The following ZSCAN20 variants were observed in gnomAD, a reference collection of about 807,000 sequenced individuals.
ZSCAN20 encodes the protein zinc finger and SCAN domain-containing protein 20.
A neutral mutation model predicts 97.1 loss-of-function variants in ZSCAN20; 39 were observed. The observed-to-expected ratio is 0.40, with a 90% confidence interval of 0.31 to 0.52. The LOEUF is 0.52. Ranked by LOEUF, ZSCAN20 falls within the 20% of genes least tolerant of loss-of-function variation. The pLI, the probability that ZSCAN20 is intolerant of heterozygous loss-of-function variation, is 0.49. For synonymous variants in ZSCAN20, 456 were observed against 467.3 expected (o/e 0.98, Z 0.31); for missense variants, 1,115 against 1,290.4 (o/e 0.86, Z 2.08).
chr1:33,476,297 C>G (rs1651937542), intron 1 of ZSCAN20, among the ~76,000 whole-genome samples: 1 of 152,180 alleles, frequency 6.6e-6, no homozygotes, highest in Non-Finnish European at 1.5e-5. Context: ...ATACTTCGGT[C>G]TAACTTCCTT....
At chr1:33,475,573 A>T (rs1651889831) in intron 1 of ZSCAN20, among the ~76,000 whole-genome samples, 1 of 152,222 alleles carries the variant, frequency 6.6e-6, no homozygotes, top group South Asian at 2.1e-4. Flanking sequence ...GCGAAGTCCT[A>T]GGTGCCACCA....
intron 1 of ZSCAN20, among the ~76,000 whole-genome samples, chr1:33,473,499 C>G (rs907285418): frequency 2.6e-5 from 4 of 152,050 alleles, no homozygotes; most frequent in African/African-American, 7.3e-5. Context: ...CCTTGTCCTT[C>G]ATAAACTCCT....
chr1:33,493,128 C>A lies in ZSCAN20; in HGVS notation c.1445-59C>A. 1.3e-6 allele frequency: 2 copies of A among 1,541,990 alleles called. No homozygotes were observed. Among genetic ancestry groups the A allele is most frequent in the South Asian group, 1.2e-5 (1 of 84,372 alleles). ...TTTGAAGGGCAGGTGACTTTATTCT[C>A]TGATGACCTAGGCACATCTCATTAA... On this transcript the variant is annotated intron_variant, in intron 6 of 7. Coordinates refer to ENST00000684572, the MANE Select transcript of ZSCAN20 (RefSeq NM_001377376.1). The surrounding 1 kb of genome is among the most constrained non-coding windows in gnomAD (Gnocchi z 4.3).
chr1:33,500,298 C>T lies in ZSCAN20; in HGVS notation c.*4822C>T, dbSNP rs147194822. On this transcript the variant is annotated 3_prime_UTR_variant, in exon 8 of 8. Transcript: ENST00000684572. ...GACCTTTCTCCTCACCTCCGTGTGC[C>T]GCATCTCTCACCTAGTCTCTGTTAG... Among the ~76,000 whole-genome samples the T allele has an allele frequency of 1.4e-4, 22 of 152,204 alleles. No homozygotes were observed. In the East Asian group the frequency reaches 3.1e-3, roughly 21 times the overall value.
In ZSCAN20 at chr1:33,489,607, G is replaced by A; in HGVS notation, c.766+5G>A. 2 of 1,613,870 alleles carry A rather than the reference G, an allele frequency of 1.2e-6. No individual in the cohort carries two copies. Among genetic ancestry groups the A allele is most frequent in the Non-Finnish European group, 1.7e-6 (2 of 1,179,798 alleles). On this transcript the variant is annotated splice_donor_5th_base_variant and intron_variant, in intron 5 of 7. Coordinates refer to ENST00000684572, the MANE Select transcript of ZSCAN20 (RefSeq NM_001377376.1). ...GTGGGAACAGCGTGTGCCTGGGTAA[G>A]GAGACGTACCCTCTGAAGGTGATGT...
At position 33,494,441 on chromosome 1, in the gene ZSCAN20, CCAT is replaced by C. The variant is rs1557446419; in HGVS notation, c.2100_2102del (p.His700del). 1 of 1,613,418 alleles carries C rather than the reference CCAT, an allele frequency of 6.2e-7. No individual in the cohort carries two copies. The highest frequency in any genetic ancestry group is 8.5e-7 in the Non-Finnish European group (1 of 1,179,584). ...AAGAGGACTTAGAAAAACTTATTGA[CCAT>C]CAAGGCCTGTACCTTGCAGAGAAAC... On this transcript the variant is annotated inframe_deletion, in exon 8 of 8. Coordinates refer to ENST00000684572, the MANE Select transcript of ZSCAN20 (RefSeq NM_001377376.1).
At chr1:33,494,098 A>G in intron 7 of ZSCAN20, 120 bp from the exon 8 acceptor site, 1 of 880,012 alleles carries the variant, frequency 1.1e-6, no homozygotes, top group South Asian at 2.1e-5. Context: ...GTGCGATAGA[A>G]GATATAAGAA....
chr1:33,490,517 G>T (rs1652554327), intron 5 of ZSCAN20, among the ~76,000 whole-genome samples: 1 of 152,134 alleles, frequency 6.6e-6, no homozygotes, highest in Non-Finnish European at 1.5e-5. Flanking sequence ...GTCTTAATGG[G>T]TCTGTGTTCT....
intron 1 of ZSCAN20, among the ~76,000 whole-genome samples, chr1:33,473,563 C>G (rs983049397): frequency 6.6e-6 from 1 of 152,126 alleles, no homozygotes; most frequent in Admixed American, 6.5e-5. Flanking sequence ...AGGTTTTCCT[C>G]GTTTCCTGGG....
At chr1:33,489,444 G>C in intron 4 of ZSCAN20, 74 bp from the exon 5 acceptor site, 4 of 1,467,578 alleles carry the variant, frequency 2.7e-6, no homozygotes, top group Non-Finnish European at 3.8e-6. Context: ...ATCTTTCCTG[G>C]GAGCCTGCTA....
chr1:33,489,668 G>T, intron 5 of ZSCAN20, 66 bp downstream of exon 5: 1 of 1,448,438 alleles, frequency 6.9e-7, no homozygotes, highest in Non-Finnish European at 9.7e-7. Context: ...CCCAAAGAGG[G>T]TTTTGCCGCT....
chr1:33,490,652 C>CAT (rs1652559746), intron 5 of ZSCAN20, among the ~76,000 whole-genome samples: 1 of 51,170 alleles, frequency 2.0e-5, no homozygotes, highest in Admixed American at 1.3e-4. Flanking sequence ...CACACACAAA[C>CAT]ACACACACAC....
At position 33,490,650 on chromosome 1, in the gene ZSCAN20, A is replaced by AACACACAC. The variant is rs372552175; in HGVS notation, c.767-348_767-341dup. Reference sequence around the variant, plus strand: ...AGGACAGAGACTCACTACACACACAAACACACACACACACACACACACACA... The same window carrying AACACACAC: ...AGGACAGAGACTCACTACACACACAAACACACACACACACACACACACACACACACACA... On this transcript the variant is annotated intron_variant, in intron 5 of 7. Transcript: ENST00000684572. Among the ~76,000 whole-genome samples the AACACACAC allele has an allele frequency of 5.6e-4, 79 of 141,200 alleles. 1 individual carries two copies. The East Asian group carries it at 0.011, about 19-fold the overall frequency. The allele number at this position is 141,200 out of a possible 152,430, so 92.6% of individuals were successfully genotyped here.
chr1:33,477,779 T>C (rs1041664064), intron 1 of ZSCAN20, among the ~76,000 whole-genome samples: 13 of 151,566 alleles, frequency 8.6e-5, no homozygotes, highest in South Asian at 2.1e-4. Context: ...AGCACTGTGC[T>C]AGGTCTCTTG....
Position 33,495,299 on chromosome 1 carries a change from G to A in ZSCAN20, c.2955G>A (p.Lys985=), listed in dbSNP as rs1476144621. The change falls in exon 8 of 8, where the codon AAG becomes AAA. Residue 985 remains lysine, a synonymous_variant. Coordinates refer to ENST00000684572, the MANE Select transcript of ZSCAN20 (RefSeq NM_001377376.1). ...ACCAGAGGATTCATACGGGAGAGAA[G>A]CCGTATAAGTGCAGAGAGTGTGGGA... is the stretch of plus-strand genomic sequence containing the variant. ...ITHQRIHTGE[K]PYKCRECGKC... 1.2e-6 allele frequency: 2 copies of A among 1,612,438 alleles called. No individual in the cohort carries two copies. Among genetic ancestry groups the A allele is most frequent in the Non-Finnish European group, 1.7e-6 (2 of 1,179,086 alleles).
Position 33,493,071 on chromosome 1 carries a change from G to A in ZSCAN20, c.1445-116G>A. The A allele has an allele frequency of 9.3e-7, 1 of 1,080,510 alleles. No homozygotes were observed. The highest frequency in any genetic ancestry group is 1.6e-5 in the African/African-American group (1 of 63,774). 66.9% of individuals were successfully genotyped at this position (1,080,510 alleles called of 1,614,324 possible). A position where few individuals can be genotyped will look rare whatever the true frequency, so the allele number is the denominator to read the frequency against. On this transcript the variant is annotated intron_variant, in intron 6 of 7. Transcript: ENST00000684572. The surrounding 1 kb of genome is among the most constrained non-coding windows in gnomAD (Gnocchi z 4.3). ...CAAAGGGATATTCTCCAGGTACCTG[G>A]ATAGTTTCTGACATGCCTATGTTCT... is the stretch of plus-strand genomic sequence containing the variant.
intron 2 of ZSCAN20, among the ~76,000 whole-genome samples, chr1:33,483,086 T>G (rs1231382038): frequency 6.6e-6 from 1 of 152,208 alleles, no homozygotes; most frequent in Non-Finnish European, 1.5e-5. Context: ...AGCTTATCAA[T>G]TATTTCTTTC....
intron 1 of ZSCAN20, among the ~76,000 whole-genome samples, chr1:33,477,267 G>A (rs1183874737): frequency 6.6e-6 from 1 of 152,166 alleles, no homozygotes; most frequent in African/African-American, 2.4e-5. Context: ...TAAGCATATG[G>A]AGGCCTTTAG....
Position 33,489,177 on chromosome 1 carries a change from A to T in ZSCAN20, c.667A>T (p.Thr223Ser). The change falls in exon 4 of 8, where the codon ACA (threonine) becomes TCA (serine). Residue 223 changes from threonine (T) to serine (S), a missense_variant. This residue lies in a region of ZSCAN20 where 508 missense variants were observed against 611.2 expected (regional missense o/e 0.83). Transcript: ENST00000684572. ...GGGGAGCGTTGGAGATTGGGAGGTG[A>T]CAGCTGAGTCCCAGGTAAGCTGTTA... is the stretch of plus-strand genomic sequence containing the variant. ...KMGSVGDWEVTAESQEALGPG... is the reference protein window; with the variant it reads ...KMGSVGDWEVSAESQEALGPG... The T allele has an allele frequency of 6.2e-7, 1 of 1,613,738 alleles. No homozygotes were observed. Among genetic ancestry groups the T allele is most frequent in the Non-Finnish European group, 8.5e-7 (1 of 1,179,814 alleles).
Sources: allele counts gnomAD v4.1 joint callset (sites outside exome capture counted in the v4.1 genomes callset), GRCh38; gene constraint gnomAD v4.1.1; regional missense constraint gnomAD v4.1.1; non-coding constraint Gnocchi (gnomAD v3.1); transcripts MANE v1.5; gene names NCBI Gene and HGNC (gene_info 2026-07-23, HGNC 2026-07-21).